The following SEMA6A variants were observed in gnomAD, a reference collection of about 807,000 sequenced individuals.
The protein encoded by SEMA6A is semaphorin-6A.
A neutral mutation model predicts 96.8 loss-of-function variants in SEMA6A; 25 were observed. The observed-to-expected ratio is 0.26, with a 90% CI of 0.19 to 0.36. The LOEUF (loss-of-function observed/expected upper bound fraction) is 0.36, where lower values mean the gene tolerates loss of function less well. Among genes scored for constraint, SEMA6A ranks in the 10% least tolerant of loss-of-function variants. SEMA6A has a pLI of 1.00. For missense variants in SEMA6A, 1,363 were observed against 1,323.1 expected (o/e 1.03, Z -0.47); for synonymous variants, 612 against 518.0 (o/e 1.18, Z -2.46).
chr5:116,572,701 C>T (rs1761272449), intron 1 of SEMA6A, among the ~76,000 whole-genome samples: 1 of 152,226 alleles, frequency 6.6e-6, no homozygotes, highest in South Asian at 2.1e-4. Context: ...CATCCCTTCC[C>T]CGACTTGTCG....
rs181573714 is a variant in SEMA6A at position 116,477,722 on chromosome 5, G to C, written c.1649+124C>G. On this transcript the variant is annotated intron_variant, in intron 15 of 18. Coordinates refer to ENST00000343348, the MANE Select transcript of SEMA6A (RefSeq NM_020796.5). Reference sequence around the variant, plus strand: ...GGAAAGGGTAGGAGAAAGGCTGACAGTCCCGTTGCTGGAGTTTGCACAGAA... The same window carrying C: ...GGAAAGGGTAGGAGAAAGGCTGACACTCCCGTTGCTGGAGTTTGCACAGAA... 6.4e-5 allele frequency: 58 copies of C among 900,852 alleles called. 1 individual carries two copies. In the Admixed American group the frequency reaches 7.8e-4, roughly 12 times the overall value. 55.8% of individuals were successfully genotyped at this position (900,852 alleles called of 1,614,324 possible).
intron 12 of SEMA6A, among the ~76,000 whole-genome samples, 169 bp from the exon 13 acceptor site, chr5:116,478,887 A>G (rs1013074433): frequency 6.6e-6 from 1 of 152,038 alleles, no homozygotes; most frequent in African/African-American, 2.4e-5. Context: ...CCATTTGCAG[A>G]GCACTAGTGT....
chr5:116,548,307 A>C (rs984004370), intron 1 of SEMA6A, among the ~76,000 whole-genome samples: 5 of 152,104 alleles, frequency 3.3e-5, no homozygotes, highest in African/African-American at 1.2e-4. Flanking sequence ...AGTTCTCCAG[A>C]CTCACGGTGC....
chr5:116,465,814 CTG>C (rs1461320121), intron 18 of SEMA6A, among the ~76,000 whole-genome samples: 1 of 152,128 alleles, frequency 6.6e-6, no homozygotes, highest in Non-Finnish European at 1.5e-5. Flanking sequence ...ATTGGAAAGG[CTG>C]TTTTATTTTG....
chr5:116,458,967 C>T (rs1755194884), intron 18 of SEMA6A, among the ~76,000 whole-genome samples: 1 of 152,244 alleles, frequency 6.6e-6, no homozygotes, highest in East Asian at 1.9e-4. Context: ...GACTTGCTCA[C>T]AATATCATTT....
At chr5:116,466,250 C>G (rs1369279281) in intron 18 of SEMA6A, among the ~76,000 whole-genome samples, 3 of 151,092 alleles carry the variant, frequency 2.0e-5, no homozygotes, top group Non-Finnish European at 2.9e-5. Context: ...TGGTGGCGGG[C>G]ACCTATAATC....
At chr5:116,544,204 G>C (rs552854221) in intron 1 of SEMA6A, among the ~76,000 whole-genome samples, 1 of 152,244 alleles carries the variant, frequency 6.6e-6, no homozygotes, top group Non-Finnish European at 1.5e-5. Context: ...ATGCAGCACT[G>C]CTTGGATGCG....
At position 116,504,914 on chromosome 5, in the gene SEMA6A, T is replaced by G; in HGVS notation, c.31A>C (p.Thr11Pro). 1 of 1,602,820 alleles carries G rather than the reference T, an allele frequency of 6.2e-7. No homozygotes were observed. Among genetic ancestry groups the G allele is most frequent in the Non-Finnish European group, 8.5e-7 (1 of 1,174,610 alleles). Residue 11 changes from threonine to proline, a missense_variant, in exon 2 of 19, where the codon ACA becomes CCA. By Grantham distance (38) the Thr-to-Pro change is conservative. Coordinates refer to ENST00000343348, the MANE Select transcript of SEMA6A (RefSeq NM_020796.5). The stretch of plus-strand genomic sequence containing the variant: ...CCAGCCCCAGCAAAGTGTAGCAGTG[T>G]GAAATATAGCAGCAAGGCTTCTGAC... MRSEALLLYF[T>P]LLHFAGAGFP...
chr5:116,495,806 G>A (rs1000465957), intron 5 of SEMA6A: 1 of 382,038 alleles, frequency 2.6e-6, no homozygotes, highest in Admixed American at 4.3e-5. Context: ...TAATTTTAAT[G>A]CCAGATGCTC....
At chr5:116,508,781 C>A (rs573486659) in intron 1 of SEMA6A, among the ~76,000 whole-genome samples, 2 of 152,172 alleles carry the variant, frequency 1.3e-5, no homozygotes, top group African/African-American at 4.8e-5. Flanking sequence ...TCTCTCCAGA[C>A]GGAAACATTC....
chr5:116,450,983 C>A (rs867518962), intron 18 of SEMA6A, among the ~76,000 whole-genome samples: 2 of 152,186 alleles, frequency 1.3e-5, no homozygotes, highest in Middle Eastern at 3.4e-3. Flanking sequence ...GTGGAATAGC[C>A]ATTGTGAAGG....
rs760572435 is a variant in SEMA6A at position 116,486,851 on chromosome 5, C to G, written c.860G>C (p.Gly287Ala). ...LKARLNCSVP[G>A]DSHFYFNILQ... The stretch of plus-strand genomic sequence containing the variant: ...AATGTTGAAATAAAAATGAGAGTCT[C>G]CAGGAACTGAGCAGTTCAAGCGCGC... Residue 287 changes from glycine to alanine, a missense_variant, in exon 10 of 19, where the codon GGA (glycine) becomes GCA (alanine). Around this residue, in one of 2 missense-constraint regions of SEMA6A, gnomAD observed 480 missense variants for 559.5 expected, o/e 0.86. Transcript: ENST00000343348. 3.7e-6 allele frequency: 6 copies of G among 1,613,726 alleles called. No individual in the cohort carries two copies. In the South Asian group the frequency reaches 6.6e-5, roughly 18 times the overall value.
chr5:116,488,251 TTCAATCAAGTGTAG>T, intron 8 of SEMA6A, 55 bp from the exon 9 acceptor site: 1 of 1,171,132 alleles, frequency 8.5e-7, no homozygotes, highest in East Asian at 2.4e-5. Context: ...TTAACAGAAT[TTCAATCAAGTGTAG>T]CCAAAGACAT....
In SEMA6A at chr5:116,478,558, C is replaced by G. The variant is rs1756586397; in HGVS notation, c.1411G>C (p.Val471Leu). ...NDSLFLEEMSVYNSEKCSYDG... is the reference protein window; with the variant it reads ...NDSLFLEEMSLYNSEKCSYDG... Reference sequence around the variant, plus strand: ...TCCACTTACTTTTCAGAGTTGTAAACACTCATCTCCTCCAGGAAAAGGCTG... The same window carrying G: ...TCCACTTACTTTTCAGAGTTGTAAAGACTCATCTCCTCCAGGAAAAGGCTG... Residue 471 changes from valine (V) to leucine (L), a missense_variant, in exon 13 of 19, where the codon GTT (valine) becomes CTT (leucine). Coordinates refer to ENST00000343348, the MANE Select transcript of SEMA6A (RefSeq NM_020796.5). 6.2e-7 allele frequency: 1 copy of G among 1,611,322 alleles called. No homozygotes were observed. Among genetic ancestry groups the G allele is most frequent in the East Asian group, 2.2e-5 (1 of 44,768 alleles).
At chr5:116,535,760 G>T (rs752116590) in intron 1 of SEMA6A, among the ~76,000 whole-genome samples, 2 of 152,126 alleles carry the variant, frequency 1.3e-5, no homozygotes, top group African/African-American at 4.8e-5. Flanking sequence ...TCCAGAGACT[G>T]CTCCTATAAA....
At chr5:116,477,993 T>A (rs1388940637) in intron 14 of SEMA6A, 21 bp downstream of exon 14, 1 of 1,613,924 alleles carries the variant, frequency 6.2e-7, no homozygotes, top group Non-Finnish European at 8.5e-7. Flanking sequence ...TTTCTAATTG[T>A]CAATGAGGCA....
intron 1 of SEMA6A, among the ~76,000 whole-genome samples, chr5:116,535,134 C>G (rs1247498041): frequency 1.3e-5 from 2 of 152,196 alleles, no homozygotes; most frequent in African/African-American, 4.8e-5. Context: ...GGCAGCCTGG[C>G]AATGGACTGC....
chr5:116,470,647 C>T (rs1395294447), intron 17 of SEMA6A, among the ~76,000 whole-genome samples: 4 of 152,114 alleles, frequency 2.6e-5, no homozygotes, highest in Admixed American at 6.6e-5. Flanking sequence ...GCCCAATTCA[C>T]TAAAAGGGAT....
At position 116,446,713 on chromosome 5, in the gene SEMA6A, G is replaced by C. The variant is rs781118630; in HGVS notation, c.2993C>G (p.Ser998Trp). The part of the protein sequence containing the change: ...SLNAYNSLTR[S>W]GLKRTPSLKP... Reference sequence around the variant, plus strand: ...TAGCGAGGGCGTACGCTTCAGCCCCGACCTTGTCAGTGAGTTGTAGGCGTT... The same window carrying C: ...TAGCGAGGGCGTACGCTTCAGCCCCCACCTTGTCAGTGAGTTGTAGGCGTT... The change falls in exon 19 of 19, where the codon TCG becomes TGG. Residue 998 changes from serine to tryptophan, a missense_variant. By Grantham distance (177) the Ser-to-Trp change is radical. Transcript: ENST00000343348. 1.9e-6 allele frequency: 3 copies of C among 1,596,712 alleles called. No individual in the cohort carries two copies. The Admixed American group carries it at 5.2e-5, about 28-fold the overall frequency.
Sources: allele counts gnomAD v4.1 joint callset (sites outside exome capture counted in the v4.1 genomes callset), GRCh38; gene constraint gnomAD v4.1.1; regional missense constraint gnomAD v4.1.1; transcripts MANE v1.5; gene names NCBI Gene and HGNC (gene_info 2026-07-23, HGNC 2026-07-21).